ARMH3: variants seen among roughly 807,000 people sequenced by gnomAD.
ARMH3 encodes the protein armadillo like helical domain containing 3.
In ARMH3, 60 loss-of-function variants were observed where a neutral mutation model predicts 99.1. The ratio of observed to expected loss-of-function variants is 0.61; its 90% confidence interval spans 0.49 to 0.75. ARMH3 has a LOEUF of 0.75. Among genes scored for constraint, ARMH3 ranks in the 30% least tolerant of loss-of-function variants. The pLI, the probability that ARMH3 is intolerant of heterozygous loss-of-function variation, is 0.00. For missense variants in ARMH3, 679 were observed against 843.1 expected, an observed-to-expected ratio of 0.81 and a Z score of 2.41; for synonymous variants, 285 against 292.8, an observed-to-expected ratio of 0.97 and a Z score of 0.27.
chr10:101,907,916 C>T (rs989403455), intron 23 of ARMH3, among the ~76,000 whole-genome samples: 4 of 152,072 alleles, frequency 2.6e-5, no homozygotes, highest in African/African-American at 4.8e-5. Flanking sequence ...GCTCCCATGC[C>T]GCACTTCAAG....
chr10:102,047,170 TACAGGATTTA>T (rs2067576725), intron 1 of ARMH3, among the ~76,000 whole-genome samples: 1 of 152,164 alleles, frequency 6.6e-6, no homozygotes, highest in Non-Finnish European at 1.5e-5. Flanking sequence ...TAATGTCCAC[TACAGGATTTA>T]ATTGATTTTT....
chr10:102,031,199 A>T (rs898702874), intron 4 of ARMH3, among the ~76,000 whole-genome samples: 17 of 152,300 alleles, frequency 1.1e-4, no homozygotes, highest in Non-Finnish European at 1.8e-4. Context: ...TAGCTGTGAG[A>T]ACCCAGACAC....
intron 10 of ARMH3, 31 bp downstream of exon 10, chr10:102,012,802 A>T (rs1419903631): frequency 6.3e-7 from 1 of 1,585,784 alleles, no homozygotes; most frequent in Non-Finnish European, 8.6e-7. Context: ...TGAAAATCAG[A>T]CCCCCTTCCA....
chr10:101,978,106 A>G (rs1181565110), intron 19 of ARMH3, among the ~76,000 whole-genome samples: 2 of 152,220 alleles, frequency 1.3e-5, no homozygotes, highest in Non-Finnish European at 2.9e-5. Flanking sequence ...TTTAAAAGGC[A>G]TATTAAAACA....
chr10:102,051,943 G>A lies in ARMH3; in HGVS notation c.-12+4142C>T, dbSNP rs1445026073. On this transcript the variant is annotated intron_variant, in intron 1 of 25. Coordinates refer to ENST00000370033, the MANE Select transcript of ARMH3 (RefSeq NM_024541.3). ...AAGGAAGGCATTCCTCCTTCCGAAG[G>A]GGGAACCAGCTCCAAATTGACAGTA... 3.9e-5 allele frequency among the ~76,000 whole-genome samples: 6 copies of A among 152,140 alleles called. 1 individual carries two copies. The South Asian group carries it at 1.2e-3, about 32-fold the overall frequency.
chr10:102,018,056 T>C (rs2066788636), intron 8 of ARMH3, among the ~76,000 whole-genome samples: 1 of 152,146 alleles, frequency 6.6e-6, no homozygotes, highest in Non-Finnish European at 1.5e-5. Context: ...CTGCTATTTA[T>C]TAAGTGAAGA....
chr10:101,959,542 C>A (rs1245160504), intron 20 of ARMH3, among the ~76,000 whole-genome samples: 1 of 152,196 alleles, frequency 6.6e-6, no homozygotes, highest in Non-Finnish European at 1.5e-5. Flanking sequence ...GCAGCCTCAG[C>A]AGTGGCTATG....
intron 20 of ARMH3, among the ~76,000 whole-genome samples, chr10:101,969,291 T>C (rs1845669721): frequency 6.6e-6 from 1 of 152,126 alleles, no homozygotes. Context: ...TATAATTACA[T>C]CAAAATTAAA....
At chr10:101,944,271 TATAGAGAG>T (rs1360932030) in intron 22 of ARMH3, among the ~76,000 whole-genome samples, 2 of 40,038 alleles carry the variant, frequency 5.0e-5, no homozygotes, top group Non-Finnish European at 8.3e-5. Context: ...TATATATATA[TATAGAGAG>T]AGAGAGAGAG....
intron 24 of ARMH3, among the ~76,000 whole-genome samples, chr10:101,858,896 C>G (rs934013179): frequency 4.6e-5 from 7 of 152,158 alleles, no homozygotes; most frequent in African/African-American, 1.7e-4. Flanking sequence ...AACATGTTTG[C>G]TGACTAATTT....
At chr10:101,973,176 C>T (rs1590112138) in intron 20 of ARMH3, among the ~76,000 whole-genome samples, 10 of 151,816 alleles carry the variant, frequency 6.6e-5, no homozygotes, top group Admixed American at 5.3e-4. Flanking sequence ...CTGCCTAACA[C>T]GGTGAAACTC....
At chr10:101,941,824 G>A (rs1436851910) in intron 22 of ARMH3, among the ~76,000 whole-genome samples, 3 of 152,066 alleles carry the variant, frequency 2.0e-5, no homozygotes, top group African/African-American at 7.2e-5. Flanking sequence ...ACTCAATTGT[G>A]AAATTTATTT....
chr10:101,940,070 C>T, intron 22 of ARMH3, 132 bp from the exon 23 acceptor site: 1 of 626,566 alleles, frequency 1.6e-6, no homozygotes, highest in Non-Finnish European at 2.7e-6. Flanking sequence ...CTGTTAAAAA[C>T]ATCCTCAGCT....
At position 102,054,421 on chromosome 10, in the gene ARMH3, G is replaced by A. The variant is rs551598906; in HGVS notation, c.-12+1664C>T. 2.6e-5 allele frequency among the ~76,000 whole-genome samples: 4 copies of A among 151,110 alleles called. No individual in the cohort carries two copies. The South Asian group carries it at 8.4e-4, about 32-fold the overall frequency. ...AAAAAAAAAAGTTGAACAATAAATT[G>A]TAATACCTAAAAGTCCAATGAAAAC... On this transcript the variant is annotated intron_variant, in intron 1 of 25. Transcript: ENST00000370033.
chr10:101,991,107 T>C (rs1846769995), intron 18 of ARMH3, among the ~76,000 whole-genome samples: 1 of 152,226 alleles, frequency 6.6e-6, no homozygotes. Flanking sequence ...AAGAGAGGCT[T>C]ATTATACAGC....
At chr10:101,998,609 G>A (rs996339846) in intron 15 of ARMH3, among the ~76,000 whole-genome samples, 4 of 152,128 alleles carry the variant, frequency 2.6e-5, no homozygotes, top group African/African-American at 9.7e-5. Flanking sequence ...TTTCTGCTCT[G>A]GCAATTCTTC....
intron 24 of ARMH3, among the ~76,000 whole-genome samples, chr10:101,877,135 C>T (rs1402184845): frequency 6.6e-6 from 1 of 152,016 alleles, no homozygotes; most frequent in Non-Finnish European, 1.5e-5. Context: ...GACCCTATCT[C>T]TACCAAAAAA....
At chr10:101,852,206 C>T (rs184657391) in intron 24 of ARMH3, among the ~76,000 whole-genome samples, 6 of 152,314 alleles carry the variant, frequency 3.9e-5, no homozygotes, top group East Asian at 1.9e-4. Context: ...TCAATTTCTG[C>T]GAAAGAGGTT....
At chr10:101,855,744 A>G (rs2066723758) in intron 24 of ARMH3, among the ~76,000 whole-genome samples, 7 of 147,170 alleles carry the variant, frequency 4.8e-5, no homozygotes, top group African/African-American at 1.7e-4. Context: ...TACATTATAT[A>G]AAATATATTT....
Sources: allele counts gnomAD v4.1 joint callset (sites outside exome capture counted in the v4.1 genomes callset), GRCh38; gene constraint gnomAD v4.1.1; transcripts MANE v1.5; gene names NCBI Gene and HGNC (gene_info 2026-07-23, HGNC 2026-07-21).